The following ZNF827 variants were observed in gnomAD, a reference collection of about 807,000 sequenced individuals.
ZNF827 encodes the protein zinc finger protein 827.
A neutral mutation model predicts 102.4 loss-of-function variants in ZNF827; 13 were observed. That is an observed-to-expected ratio of 0.13 (90% CI 0.08 to 0.20). ZNF827 has a LOEUF of 0.20. ZNF827 is among the 10% of genes least tolerant of loss of function. ZNF827 has a pLI of 1.00. For synonymous variants in ZNF827, 523 were observed against 536.2 expected (o/e 0.98, Z 0.34); for missense variants, 1,103 against 1,344.4 (o/e 0.82, Z 2.81).
chr4:145,788,469 T>G (rs1739208785), intron 8 of ZNF827, among the ~76,000 whole-genome samples: 1 of 152,230 alleles, frequency 6.6e-6, no homozygotes, highest in Admixed American at 6.5e-5. Context: ...TTAAGAAAAC[T>G]ATATAACTTA....
chr4:145,863,624 G>A (rs139582763), intron 5 of ZNF827, among the ~76,000 whole-genome samples: 4 of 152,032 alleles, frequency 2.6e-5, no homozygotes, highest in African/African-American at 9.6e-5. Flanking sequence ...AGTGAGAGAA[G>A]CCAGACACAA....
chr4:145,870,238 C>T lies in ZNF827; in HGVS notation c.1981+7G>A, dbSNP rs372625680. On this transcript the variant is annotated splice_region_variant and intron_variant, in intron 5 of 14. Coordinates refer to ENST00000508784, the MANE Select transcript of ZNF827 (RefSeq NM_001306215.2). ...AGAATGTGAATATTTTAGAATAAAT[C>T]AAGTACCTGAGAGTTTCATGAGAAG... 1 of 1,612,658 alleles carries T rather than the reference C, an allele frequency of 6.2e-7. No individual in the cohort carries two copies. The highest frequency in any genetic ancestry group is 8.5e-7 in the Non-Finnish European group (1 of 1,179,098).
intron 1 of ZNF827, among the ~76,000 whole-genome samples, chr4:145,921,483 A>G (rs1361177210): frequency 6.6e-6 from 1 of 151,616 alleles, no homozygotes; most frequent in Non-Finnish European, 1.5e-5. Context: ...AAAAAAAAAA[A>G]AAAAAAAAAA....
At position 145,774,656 on chromosome 4, in the gene ZNF827, A is replaced by G; in HGVS notation, c.2710T>C (p.Phe904Leu). The change falls in exon 11 of 15, where the codon TTT becomes CTT. Residue 904 changes from phenylalanine (F) to leucine (L), a missense_variant. This residue lies in a region of ZNF827 where 242 missense variants were observed against 361.9 expected (regional missense o/e 0.67). Transcript: ENST00000508784. Reference sequence around the variant, plus strand: ...AACTGGACATTGAGCTCGGTCTCAAATCCACACACGTGACAACTACATGAA... The same window carrying G: ...AACTGGACATTGAGCTCGGTCTCAAGTCCACACACGTGACAACTACATGAA... ...PYYYSCHVCG[F>L]ETELNVQFVS... 2 of 1,613,844 alleles carry G rather than the reference A, an allele frequency of 1.2e-6. No homozygotes were observed. Among genetic ancestry groups the G allele is most frequent in the Non-Finnish European group, 1.7e-6 (2 of 1,179,912 alleles).
At chr4:145,888,185 A>C (rs991317953) in intron 3 of ZNF827, among the ~76,000 whole-genome samples, 3 of 152,210 alleles carry the variant, frequency 2.0e-5, no homozygotes, top group Non-Finnish European at 2.9e-5. Flanking sequence ...TTTTGCACTT[A>C]ACAATTTTTT....
chr4:145,900,357 A>C (rs575669221), intron 2 of ZNF827, among the ~76,000 whole-genome samples: 1 of 152,180 alleles, frequency 6.6e-6, no homozygotes, highest in Non-Finnish European at 1.5e-5. Context: ...AACGCCATTC[A>C]CACATTTATT....
chr4:145,857,251 C>G (rs1169016579), intron 5 of ZNF827, among the ~76,000 whole-genome samples: 1 of 152,144 alleles, frequency 6.6e-6, no homozygotes, highest in Non-Finnish European at 1.5e-5. Context: ...TGAGAAGCAC[C>G]AGGTATTCTA....
intron 5 of ZNF827, among the ~76,000 whole-genome samples, chr4:145,862,675 G>A (rs1215044834): frequency 6.6e-6 from 1 of 152,172 alleles, no homozygotes. Context: ...TATAAAGAAT[G>A]CTACAGCAAA....
intron 7 of ZNF827, among the ~76,000 whole-genome samples, chr4:145,827,938 C>T (rs562488754): frequency 6.9e-4 from 105 of 152,280 alleles, no homozygotes; most frequent in Non-Finnish European, 1.1e-3. Flanking sequence ...GAAGCACATC[C>T]GTTCTCAGGT....
chr4:145,920,309 G>C (rs1157071441), intron 1 of ZNF827, among the ~76,000 whole-genome samples: 2 of 152,236 alleles, frequency 1.3e-5, no homozygotes, highest in African/African-American at 4.8e-5. Context: ...CCAGTCATCA[G>C]GAAAATCTGA....
Position 145,902,083 on chromosome 4 carries a change from C to A in ZNF827, c.1093+83G>T. On this transcript the variant is annotated intron_variant, in intron 2 of 14. Coordinates refer to ENST00000508784, the MANE Select transcript of ZNF827 (RefSeq NM_001306215.2). The surrounding 1 kb of genome is among the most constrained non-coding windows in gnomAD (Gnocchi z 4.3). ...TCCTGCCTCAGATCAGATGGGGAAC[C>A]CAACTGAAAAAAGCAATGAATAAGA... The A allele has an allele frequency of 1.3e-6, 2 of 1,493,654 alleles. No homozygotes were observed. Among genetic ancestry groups the A allele is most frequent in the Non-Finnish European group, 1.8e-6 (2 of 1,121,130 alleles). The allele number at this position is 1,493,654 out of a possible 1,614,324, so 92.5% of individuals were successfully genotyped here.
intron 4 of ZNF827, chr4:145,870,697 A>G (rs773058729): frequency 4.2e-5 from 20 of 480,756 alleles, no homozygotes; most frequent in Non-Finnish European, 6.3e-5. Context: ...TTTTGAACCT[A>G]AAATATTTTA....
chr4:145,794,844 C>T (rs983884459), intron 8 of ZNF827, among the ~76,000 whole-genome samples: 17 of 152,206 alleles, frequency 1.1e-4, no homozygotes, highest in African/African-American at 3.9e-4. Flanking sequence ...CACTGCATAA[C>T]ACCATATCCC....
intron 8 of ZNF827, among the ~76,000 whole-genome samples, chr4:145,781,681 T>G (rs1738078041): frequency 6.6e-6 from 1 of 152,206 alleles, no homozygotes; most frequent in South Asian, 2.1e-4. Context: ...GGACAAGAAC[T>G]ACTCTTAAAC....
At chr4:145,937,546 TCGCCCCCCGCC>T (rs1754290934) in intron 1 of ZNF827, among the ~76,000 whole-genome samples, 1 of 146,024 alleles carries the variant, frequency 6.8e-6, no homozygotes, top group South Asian at 2.1e-4. Context: ...CTGCCCGGCC[TCGCCCCCCGCC>T]CGGCCGCCCC....
chr4:145,882,215 T>C (rs1749728548), intron 4 of ZNF827, among the ~76,000 whole-genome samples: 1 of 152,224 alleles, frequency 6.6e-6, no homozygotes, highest in African/African-American at 2.4e-5. Flanking sequence ...GATTTGCATA[T>C]GCTTTCTGGC....
chr4:145,857,003 A>T (rs1456811284), intron 5 of ZNF827, among the ~76,000 whole-genome samples: 3 of 152,134 alleles, frequency 2.0e-5, no homozygotes, highest in African/African-American at 7.2e-5. Flanking sequence ...ACACACACAC[A>T]CACACACTCT....
rs370040440 is a variant in ZNF827 at position 145,761,749 on chromosome 4, G to A, written c.*18-151C>T. Among the ~76,000 whole-genome samples, 1 of 152,344 alleles carries A rather than the reference G, an allele frequency of 6.6e-6. No individual in the cohort carries two copies. The stretch of plus-strand genomic sequence containing the variant: ...AGCCCAGCCCTGCCGCCTCTCAGGG[G>A]TGGAACGGCCCTTTTTGGCTCTCCC... On this transcript the variant is annotated intron_variant, in intron 14 of 14. Transcript: ENST00000508784. The surrounding 1 kb of genome is among the most constrained non-coding windows in gnomAD (Gnocchi z 6.8).
At chr4:145,855,451 C>T (rs992315994) in intron 5 of ZNF827, among the ~76,000 whole-genome samples, 42 of 152,278 alleles carry the variant, frequency 2.8e-4, no homozygotes, top group African/African-American at 9.6e-4. Context: ...ACTTTGTGAA[C>T]AAGAATGCAG....
Sources: gnomAD v4.1 joint callset for allele counts (sites outside exome capture counted in the v4.1 genomes callset) on GRCh38, gnomAD v4.1.1 for gene constraint, gnomAD v4.1.1 regional missense constraint, Gnocchi (gnomAD v3.1) non-coding constraint, MANE v1.5 for transcripts, NCBI Gene and HGNC (gene_info 2026-07-23, HGNC 2026-07-21) for gene names.